LIG4: variants seen among roughly 807,000 people sequenced by gnomAD.
LIG4 encodes DNA ligase 4.
A neutral mutation model predicts 19.0 loss-of-function variants in LIG4; 13 were observed. The observed-to-expected ratio is 0.68, with a 90% CI of 0.44 to 1.09. The LOEUF is 1.09. Ranked by LOEUF, LIG4 falls within the 50% of genes least tolerant of loss-of-function variation. LIG4 has a pLI of 0.00. For missense variants in LIG4, 1,026 were observed against 1,089.7 expected (o/e 0.94, Z 0.82); for synonymous variants, 361 against 358.2 (o/e 1.01, Z -0.09).
In LIG4 at chr13:108,209,473, A is replaced by G. The variant is rs1463278843; in HGVS notation, c.1796T>C (p.Leu599Pro). Residue 599 changes from leucine (L) to proline (P), a missense_variant, in exon 3 of 3, where the codon CTA becomes CCA. By Grantham distance (98) the Leu-to-Pro change is moderately conservative (BLOSUM62 -3). This residue lies in a region of LIG4 where 521 missense variants were observed against 515.5 expected (regional missense o/e 1.01). Coordinates refer to ENST00000442234, the MANE Select transcript of LIG4 (RefSeq NM_206937.2). ...AGATGCCTTCCCCCTAAGTTGTTCT[A>G]GGTCGTCCAGGGTCATGCACTCATG... ...EWHECMTLDD[L>P]EQLRGKASGK... is the part of the protein sequence containing the mutation. 6.2e-7 allele frequency: 1 copy of G among 1,614,072 alleles called. No homozygotes were observed. The highest frequency in any genetic ancestry group is 8.5e-7 in the Non-Finnish European group (1 of 1,180,012).
At chr13:108,214,149 T>C (rs544569064) in intron 2 of LIG4, among the ~76,000 whole-genome samples, 1 of 152,230 alleles carries the variant, frequency 6.6e-6, no homozygotes, top group East Asian at 1.9e-4. Flanking sequence ...TGCTATGCTA[T>C]TGCACTTAAA....
Position 108,211,287 on chromosome 13 carries a change from TCTC to T in LIG4, c.-22_-20del, listed in dbSNP as rs1173097884. 1 of 1,581,988 alleles carries T rather than the reference TCTC, an allele frequency of 6.3e-7. No individual in the cohort carries two copies. ...CAGCCATCAAAGCGGTGATGAATCT[TCTC>T]GTTTAACTAGTAAAGCAAAAAGAGA... On this transcript the variant is annotated 5_prime_UTR_variant, in exon 3 of 3. Transcript: ENST00000442234.
At position 108,209,238 on chromosome 13, in the gene LIG4, G is replaced by C. The variant is rs1180563348; in HGVS notation, c.2031C>G (p.Asp677Glu). The C allele has an allele frequency of 3.7e-6, 6 of 1,613,958 alleles. No homozygotes were observed. Among genetic ancestry groups the C allele is most frequent in the Non-Finnish European group, 5.1e-6 (6 of 1,179,994 alleles). The change falls in exon 3 of 3, where the codon GAC becomes GAG. Residue 677 changes from aspartate to glutamate, a missense_variant. Physicochemically the swap from Asp to Glu is conservative, Grantham distance 45. Coordinates refer to ENST00000442234, the MANE Select transcript of LIG4 (RefSeq NM_206937.2). ...MSGTDSQPKPDLENRIAEFGG... is the reference protein window; with the variant it reads ...MSGTDSQPKPELENRIAEFGG... The stretch of plus-strand genomic sequence containing the variant: ...CAAATTCTGCAATTCTGTTCTCCAG[G>C]TCAGGCTTTGGCTGGCTATCTGTTC...
rs1264730365 is a variant in LIG4, at chr13:108,209,136, G to C, written c.2133C>G (p.Asn711Lys). 1 of 1,614,068 alleles carries C rather than the reference G, an allele frequency of 6.2e-7. No homozygotes were observed. The highest frequency in any genetic ancestry group is 8.5e-7 in the Non-Finnish European group (1 of 1,179,990). The change falls in exon 3 of 3, where the codon AAC (asparagine) becomes AAG (lysine). Residue 711 changes from asparagine (N) to lysine (K), a missense_variant. Physicochemically the swap from Asn to Lys is moderately conservative, Grantham distance 94. Coordinates refer to ENST00000442234, the MANE Select transcript of LIG4 (RefSeq NM_206937.2). ...CATCATGTTTATTTGACAAAATTAT[G>C]TTTTTCACTCTGATGTTCTCAGACC... is the stretch of plus-strand genomic sequence containing the variant. ...IAGSENIRVKNIILSNKHDVV... is the reference protein window; with the variant it reads ...IAGSENIRVKKIILSNKHDVV...
chr13:108,214,206 T>C (rs1009058608), intron 2 of LIG4, among the ~76,000 whole-genome samples: 2 of 152,136 alleles, frequency 1.3e-5, no homozygotes, highest in African/African-American at 4.8e-5. Flanking sequence ...AACTGAAGTA[T>C]CCTTCATGCA....
chr13:108,208,018 T>A lies in LIG4; in HGVS notation c.*515A>T, dbSNP rs1038982614. On this transcript the variant is annotated 3_prime_UTR_variant, in exon 3 of 3. Coordinates refer to ENST00000442234, the MANE Select transcript of LIG4 (RefSeq NM_206937.2). Reference sequence around the variant, plus strand: ...TGGCCTTAACCTTAAAAAACAAATTTGTTTACATTTCATATTTAAATGGGA... The same window carrying A: ...TGGCCTTAACCTTAAAAAACAAATTAGTTTACATTTCATATTTAAATGGGA... The A allele has an allele frequency of 1.3e-5, 2 of 152,532 alleles. No individual in the cohort carries two copies. The highest frequency in any genetic ancestry group is 1.3e-4 in the Admixed American group (2 of 15,298). 9.4% of individuals were successfully genotyped at this position (152,532 alleles called of 1,614,324 possible).
rs2232636 is a variant in LIG4, at chr13:108,211,131, C to T, written c.138G>A (p.Trp46Ter). The part of the protein sequence containing the change: ...IRHFREFLDS[W>*]RKFHDALHKN... ...TATGAAGAGCATCATGAAATTTTCTCCAAGAATCTAAAAATTCCCTGAAGT... is the reference window on the plus strand; with the variant it reads ...TATGAAGAGCATCATGAAATTTTCTTCAAGAATCTAAAAATTCCCTGAAGT... The change falls in exon 3 of 3, where the codon TGG (tryptophan) becomes TGA (stop). Residue 46 changes from tryptophan (W) to a stop codon, truncating the protein, a stop_gained. Coordinates refer to ENST00000442234, the MANE Select transcript of LIG4 (RefSeq NM_206937.2). LOFTEE classifies it high-confidence loss of function. 2 of 1,611,524 alleles carry T rather than the reference C, an allele frequency of 1.2e-6. No individual in the cohort carries two copies. Among genetic ancestry groups the T allele is most frequent in the African/African-American group, 2.7e-5 (2 of 74,810 alleles).
intron 2 of LIG4, among the ~76,000 whole-genome samples, chr13:108,213,315 G>A (rs1486063667): frequency 6.8e-6 from 1 of 148,004 alleles, no homozygotes; most frequent in Non-Finnish European, 1.5e-5. Flanking sequence ...AAATAAAGTA[G>A]GTTAACTAAT....
At chr13:108,218,101 C>G (rs1879403855), upstream of LIG4, 1 of 152,346 alleles carries the variant, frequency 6.6e-6, no homozygotes, top group Admixed American at 6.5e-5. Flanking sequence ...CGCTTTAAAT[C>G]GTGGACCTCA....
intron 1 of LIG4, 54 bp from the exon 2 acceptor site, chr13:108,214,664 A>G (rs1250417395): frequency 6.6e-6 from 1 of 152,138 alleles, no homozygotes; most frequent in Non-Finnish European, 1.5e-5. Flanking sequence ...AGCAGGCAAT[A>G]CAGTTCCAGG....
upstream of LIG4, among the ~76,000 whole-genome samples, chr13:108,217,830 A>AG (rs955634760): frequency 3.9e-5 from 6 of 152,198 alleles, no homozygotes; most frequent in South Asian, 6.2e-4. Flanking sequence ...TTCAGTGCAC[A>AG]GGGGGGTTGA....
upstream of LIG4, among the ~76,000 whole-genome samples, chr13:108,217,519 T>C (rs1355619145): frequency 2.0e-5 from 3 of 151,614 alleles, no homozygotes; most frequent in Non-Finnish European, 4.4e-5. Flanking sequence ...AAACTCCGTC[T>C]CAAAACAGCA....
chr13:108,211,290 C>T lies in LIG4; in HGVS notation c.-22G>A, dbSNP rs763301522. 36 of 1,551,876 alleles carry T rather than the reference C, an allele frequency of 2.3e-5. No individual in the cohort carries two copies. The highest frequency in any genetic ancestry group is 3.6e-4 in the Middle Eastern group (2 of 5,562). ...CCATCAAAGCGGTGATGAATCTTCT[C>T]GTTTAACTAGTAAAGCAAAAAGAGA... is the stretch of plus-strand genomic sequence containing the variant. On this transcript the variant is annotated 5_prime_UTR_variant, in exon 3 of 3. Coordinates refer to ENST00000442234, the MANE Select transcript of LIG4 (RefSeq NM_206937.2).
chr13:108,211,882 T>C (rs752870694), intron 2 of LIG4, among the ~76,000 whole-genome samples: 15 of 152,222 alleles, frequency 9.9e-5, no homozygotes, highest in Non-Finnish European at 1.6e-4. Flanking sequence ...TACCCTCTTC[T>C]TCCAGCCAAA....
upstream of LIG4, among the ~76,000 whole-genome samples, chr13:108,215,780 C>G (rs1407913962): frequency 6.6e-6 from 1 of 151,910 alleles, no homozygotes; most frequent in Non-Finnish European, 1.5e-5. Flanking sequence ...TGGATTTTGT[C>G]TCGAGGGAGA....
chr13:108,209,898 T>A lies in LIG4; in HGVS notation c.1371A>T (p.Gly457=). Reference sequence around the variant, plus strand: ...TTAAAATGTCCAATTCATCCATTAGTCCACTGACATACTCTGGTTTAATTT... The same window carrying A: ...TTAAAATGTCCAATTCATCCATTAGACCACTGACATACTCTGGTTTAATTT... ...WLKIKPEYVS[G]LMDELDILIV... is the part of the protein sequence containing the mutation. The change falls in exon 3 of 3, where the codon GGA becomes GGT. Residue 457 remains glycine, a synonymous_variant. Coordinates refer to ENST00000442234, the MANE Select transcript of LIG4 (RefSeq NM_206937.2). 1 of 1,614,196 alleles carries A rather than the reference T, an allele frequency of 6.2e-7. No individual in the cohort carries two copies. The highest frequency in any genetic ancestry group is 2.2e-5 in the East Asian group (1 of 44,890).
At chr13:108,217,388 G>A (rs181056604), upstream of LIG4, among the ~76,000 whole-genome samples, 36 of 152,216 alleles carry the variant, frequency 2.4e-4, no homozygotes, top group East Asian at 3.9e-3. Flanking sequence ...GCGTGGTGGC[G>A]CATGCCTGTA....
At chr13:108,212,265 CA>C (rs1188322236) in intron 2 of LIG4, among the ~76,000 whole-genome samples, 1 of 150,534 alleles carries the variant, frequency 6.6e-6, no homozygotes, top group Non-Finnish European at 1.5e-5. Flanking sequence ...AGTGCTTTAA[CA>C]AAATAAAACA....
intron 2 of LIG4, among the ~76,000 whole-genome samples, chr13:108,212,756 T>C (rs1878801611): frequency 6.6e-6 from 1 of 151,608 alleles, no homozygotes; most frequent in Non-Finnish European, 1.5e-5. Context: ...CTAATTACAA[T>C]ACTACATTTA....
Sources: allele counts gnomAD v4.1 joint callset (sites outside exome capture counted in the v4.1 genomes callset), GRCh38; gene constraint gnomAD v4.1.1; regional missense constraint gnomAD v4.1.1; transcripts MANE v1.5; gene names NCBI Gene and HGNC (gene_info 2026-07-23, HGNC 2026-07-21).